The following KCNQ1OT1 variants were observed in gnomAD, a reference collection of about 807,000 sequenced individuals.
The protein encoded by KCNQ1OT1 is KCNQ1 antisense RNA 2 (non-protein coding).
Position 2,612,554 on chromosome 11 carries a change from TTATTA to T in KCNQ1OT1, n.87436_87440del, listed in dbSNP as rs1848998607. Reference sequence around the variant, plus strand: ...CGCACTAGTGAGTTTTTCACCTAAGTTATTATATTTCACAACTACAGAATTTCTAT... The same window carrying T: ...CGCACTAGTGAGTTTTTCACCTAAGTTATTTCACAACTACAGAATTTCTAT... On this transcript the variant is annotated non_coding_transcript_exon_variant, in exon 1 of 1. Coordinates refer to ENST00000597346, the Ensembl canonical transcript of KCNQ1OT1. The surrounding 1 kb of genome is among the most constrained non-coding windows in gnomAD (Gnocchi z 5.5). The T allele has an allele frequency of 5.0e-6, 2 of 398,488 alleles. No homozygotes were observed. The highest frequency in any genetic ancestry group is 2.5e-4 in the South Asian group (2 of 7,860). The allele number at this position is 398,488 out of a possible 1,614,324, so 24.7% of individuals were successfully genotyped here. A position where few individuals can be genotyped will look rare whatever the true frequency, so the allele number is the denominator to read the frequency against.
rs1319618551 is a variant in KCNQ1OT1 at position 2,658,037 on chromosome 11, C to T, written n.41958G>A. On this transcript the variant is annotated non_coding_transcript_exon_variant, in exon 1 of 1. Transcript: ENST00000597346. The surrounding 1 kb of genome is among the most constrained non-coding windows in gnomAD (Gnocchi z 4.9). ...CTTTCCATAGCTTAGTCTTTAGAAGCGAGTCACTAAGTATAGCCCACACTC... is the reference window on the plus strand; with the variant it reads ...CTTTCCATAGCTTAGTCTTTAGAAGTGAGTCACTAAGTATAGCCCACACTC... 10 of 398,376 alleles carry T rather than the reference C, an allele frequency of 2.5e-5. No homozygotes were observed. The highest frequency in any genetic ancestry group is 8.2e-5 in the African/African-American group (4 of 48,564). The allele number at this position is 398,376 out of a possible 1,614,324, so 24.7% of individuals were successfully genotyped here. A position where few individuals can be genotyped will look rare whatever the true frequency, so the allele number is the denominator to read the frequency against.
At position 2,682,721 on chromosome 11, in the gene KCNQ1OT1, A is replaced by C. The variant is rs1345380901; in HGVS notation, n.17274T>G. On this transcript the variant is annotated non_coding_transcript_exon_variant, in exon 1 of 1. Coordinates refer to ENST00000597346, the Ensembl canonical transcript of KCNQ1OT1. The surrounding 1 kb of genome is among the most constrained non-coding windows in gnomAD (Gnocchi z 5.8). The stretch of plus-strand genomic sequence containing the variant: ...TTGACCAGAATATCTCTAGTCATAA[A>C]GAATCTCTTCCCCTTGAGCCCACTC... 2 of 398,530 alleles carry C rather than the reference A, an allele frequency of 5.0e-6. No homozygotes were observed. Among genetic ancestry groups the C allele is most frequent in the Non-Finnish European group, 8.8e-6 (2 of 226,090 alleles). 24.7% of individuals were successfully genotyped at this position (398,530 alleles called of 1,614,324 possible). A position where few individuals can be genotyped will look rare whatever the true frequency, so the allele number is the denominator to read the frequency against.
chr11:2,626,414 A>G lies in KCNQ1OT1; in HGVS notation n.73581T>C, dbSNP rs1849263064. 1 of 398,516 alleles carries G rather than the reference A, an allele frequency of 2.5e-6. No homozygotes were observed. 24.7% of individuals were successfully genotyped at this position (398,516 alleles called of 1,614,324 possible). Reference sequence around the variant, plus strand: ...AATGGTCTTGGCACTCTTCTCAGGAATCATTTGATCATGTATACAAGGGTT... The same window carrying G: ...AATGGTCTTGGCACTCTTCTCAGGAGTCATTTGATCATGTATACAAGGGTT... On this transcript the variant is annotated non_coding_transcript_exon_variant, in exon 1 of 1. Transcript: ENST00000597346. This position sits in a 1 kb window ranked among gnomAD's most constrained non-coding sequence, Gnocchi z 4.0.
At position 2,671,944 on chromosome 11, in the gene KCNQ1OT1, C is replaced by T. The variant is rs1476002551; in HGVS notation, n.28051G>A. 2.5e-6 allele frequency: 1 copy of T among 398,560 alleles called. No individual in the cohort carries two copies. Among genetic ancestry groups the T allele is most frequent in the Non-Finnish European group, 4.4e-6 (1 of 226,106 alleles). The allele number at this position is 398,560 out of a possible 1,614,324, so 24.7% of individuals were successfully genotyped here. Reference sequence around the variant, plus strand: ...TTCCTCAGGCAGCTAGTCTCTGTATCTGGGGTAGAAAGAGTGGGCTAAAAA... The same window carrying T: ...TTCCTCAGGCAGCTAGTCTCTGTATTTGGGGTAGAAAGAGTGGGCTAAAAA... On this transcript the variant is annotated non_coding_transcript_exon_variant, in exon 1 of 1. Coordinates refer to ENST00000597346, the Ensembl canonical transcript of KCNQ1OT1. The surrounding 1 kb of genome is among the most constrained non-coding windows in gnomAD (Gnocchi z 4.7).
At chr11:2,693,404 A>G (rs1034224259) in exon 1 of KCNQ1OT1, 2 of 398,574 alleles carry the variant, frequency 5.0e-6, no homozygotes, top group East Asian at 7.1e-5. Flanking sequence ...GCCTGGGCCT[A>G]AGCTGGGAAT....
Position 2,677,560 on chromosome 11 carries a change from C to T in KCNQ1OT1, n.22435G>A, listed in dbSNP as rs184509407. 1.5e-4 allele frequency: 61 copies of T among 398,550 alleles called. No homozygotes were observed. In the East Asian group the frequency reaches 2.0e-3, roughly 13 times the overall value. 24.7% of individuals were successfully genotyped at this position (398,550 alleles called of 1,614,324 possible). On this transcript the variant is annotated non_coding_transcript_exon_variant, in exon 1 of 1. Coordinates refer to ENST00000597346, the Ensembl canonical transcript of KCNQ1OT1. The surrounding 1 kb of genome is among the most constrained non-coding windows in gnomAD (Gnocchi z 4.5). ...GTATAAAAGATGCCCTCAGATGTTA[C>T]CATATAATGCTTTACAAAAGACAAA... is the stretch of plus-strand genomic sequence containing the variant.
At chr11:2,688,587 C>T (rs918093267) in exon 1 of KCNQ1OT1, 32 of 398,462 alleles carry the variant, frequency 8.0e-5, no homozygotes, top group African/African-American at 6.6e-4. Context: ...AGTGCTCGCT[C>T]ACTGAGGCCA....
Position 2,627,938 on chromosome 11 carries a change from G to T in KCNQ1OT1, n.72057C>A, listed in dbSNP as rs1168224945. 2.5e-6 allele frequency: 1 copy of T among 398,472 alleles called. No homozygotes were observed. The highest frequency in any genetic ancestry group is 4.4e-6 in the Non-Finnish European group (1 of 226,056). The allele number at this position is 398,472 out of a possible 1,614,324, so 24.7% of individuals were successfully genotyped here. The stretch of plus-strand genomic sequence containing the variant: ...GCTAATTTTTAAAATTTTATGTAGA[G>T]ATAGGGTATCACTATGTTTCCTAGG... On this transcript the variant is annotated non_coding_transcript_exon_variant, in exon 1 of 1. Transcript: ENST00000597346. This position sits in a 1 kb window ranked among gnomAD's most constrained non-coding sequence, Gnocchi z 4.9.
rs933293247 is a variant in KCNQ1OT1, at chr11:2,698,776, G to C, written n.1219C>G. 3.5e-5 allele frequency: 14 copies of C among 398,548 alleles called. No individual in the cohort carries two copies. The highest frequency in any genetic ancestry group is 1.9e-4 in the African/African-American group (9 of 48,616). The allele number at this position is 398,548 out of a possible 1,614,324, so 24.7% of individuals were successfully genotyped here. On this transcript the variant is annotated non_coding_transcript_exon_variant, in exon 1 of 1. Coordinates refer to ENST00000597346, the Ensembl canonical transcript of KCNQ1OT1. The surrounding 1 kb of genome is among the most constrained non-coding windows in gnomAD (Gnocchi z 5.1). ...GAGCCATGATGCAGACTCCAGACCGGGATTCAGGTCCCCAACTCAGACTCC... is the reference window on the plus strand; with the variant it reads ...GAGCCATGATGCAGACTCCAGACCGCGATTCAGGTCCCCAACTCAGACTCC...
chr11:2,687,836 A>C lies in KCNQ1OT1; in HGVS notation n.12159T>G, dbSNP rs1850517449. ...CCTCTGCCCCAACTGGCTCCAGGCC[A>C]AACTCTGGTTCCTGAGGAGCCTCAA... On this transcript the variant is annotated non_coding_transcript_exon_variant, in exon 1 of 1. Coordinates refer to ENST00000597346, the Ensembl canonical transcript of KCNQ1OT1. This position sits in a 1 kb window ranked among gnomAD's most constrained non-coding sequence, Gnocchi z 5.0. 3 of 398,588 alleles carry C rather than the reference A, an allele frequency of 7.5e-6. No homozygotes were observed. The highest frequency in any genetic ancestry group is 1.3e-5 in the Non-Finnish European group (3 of 226,134). 24.7% of individuals were successfully genotyped at this position (398,588 alleles called of 1,614,324 possible). A position where few individuals can be genotyped will look rare whatever the true frequency, so the allele number is the denominator to read the frequency against.
At chr11:2,662,555 C>T in exon 1 of KCNQ1OT1, 1 of 428,510 alleles carries the variant, frequency 2.3e-6, no homozygotes, top group Non-Finnish European at 4.1e-6. Flanking sequence ...AGTTGGCCTT[C>T]CCCTGAGGCA....
chr11:2,678,222 T>C lies in KCNQ1OT1; in HGVS notation n.21773A>G. ...TCACATAGTCAGCTGTGTCAGTCTT[T>C]TATGGTTTGAGGTCCTTATCTTAAA... On this transcript the variant is annotated non_coding_transcript_exon_variant, in exon 1 of 1. Transcript: ENST00000597346. The surrounding 1 kb of genome is among the most constrained non-coding windows in gnomAD (Gnocchi z 4.9). 1 of 398,428 alleles carries C rather than the reference T, an allele frequency of 2.5e-6. No individual in the cohort carries two copies. Among genetic ancestry groups the C allele is most frequent in the Middle Eastern group, 6.3e-4 (1 of 1,584 alleles). The allele number at this position is 398,428 out of a possible 1,614,324, so 24.7% of individuals were successfully genotyped here.
Position 2,657,047 on chromosome 11 carries a change from T to C in KCNQ1OT1, n.42948A>G. The C allele has an allele frequency of 2.5e-6, 1 of 398,658 alleles. No individual in the cohort carries two copies. The highest frequency in any genetic ancestry group is 4.4e-6 in the Non-Finnish European group (1 of 226,072). The allele number at this position is 398,658 out of a possible 1,614,324, so 24.7% of individuals were successfully genotyped here. On this transcript the variant is annotated non_coding_transcript_exon_variant, in exon 1 of 1. Transcript: ENST00000597346. The surrounding 1 kb of genome is among the most constrained non-coding windows in gnomAD (Gnocchi z 4.8). ...CAAGCTTCCATATTTGTGTGGGCTG[T>C]TTCCCAATGCTCAATCCTGTCCCAT...
At chr11:2,622,701 T>A (rs891395952) in exon 1 of KCNQ1OT1, 18 of 398,530 alleles carry the variant, frequency 4.5e-5, no homozygotes, top group Non-Finnish European at 7.1e-5. Flanking sequence ...TCTGTATGTG[T>A]GTATGTGTAT....
exon 1 of KCNQ1OT1, chr11:2,696,954 T>A (rs1850687068): frequency 5.0e-6 from 2 of 398,486 alleles, no homozygotes; most frequent in Non-Finnish European, 8.8e-6. Context: ...CTCTCTTTAG[T>A]TGTTAAGTTC....
chr11:2,651,915 T>G lies in KCNQ1OT1; in HGVS notation n.48080A>C. On this transcript the variant is annotated non_coding_transcript_exon_variant, in exon 1 of 1. Coordinates refer to ENST00000597346, the Ensembl canonical transcript of KCNQ1OT1. This position sits in a 1 kb window ranked among gnomAD's most constrained non-coding sequence, Gnocchi z 6.1. ...AGCCGAGGGTCCCTCTGGGGCCGCT[T>G]GCTCTCCTCCTACTCACAGCCCTCC... is the stretch of plus-strand genomic sequence containing the variant. 2.5e-6 allele frequency: 1 copy of G among 398,772 alleles called. No homozygotes were observed. The highest frequency in any genetic ancestry group is 4.4e-6 in the Non-Finnish European group (1 of 226,182). The allele number at this position is 398,772 out of a possible 1,614,324, so 24.7% of individuals were successfully genotyped here. A position where few individuals can be genotyped will look rare whatever the true frequency, so the allele number is the denominator to read the frequency against.
In KCNQ1OT1 at chr11:2,670,662, G is replaced by A. The variant is rs764708200; in HGVS notation, n.29333C>T. On this transcript the variant is annotated non_coding_transcript_exon_variant, in exon 1 of 1. Coordinates refer to ENST00000597346, the Ensembl canonical transcript of KCNQ1OT1. The surrounding 1 kb of genome is among the most constrained non-coding windows in gnomAD (Gnocchi z 4.9). ...AGGCCAGGATGAACCCTGAAGATTG[G>A]TAGGAAGGCAGTGTAGCAGTAACAA... 1.8e-5 allele frequency: 7 copies of A among 398,538 alleles called. No homozygotes were observed. The highest frequency in any genetic ancestry group is 4.1e-5 in the African/African-American group (2 of 48,622). 24.7% of individuals were successfully genotyped at this position (398,538 alleles called of 1,614,324 possible).
At chr11:2,640,393 C>T (rs1445352120) in exon 1 of KCNQ1OT1, 1 of 398,602 alleles carries the variant, frequency 2.5e-6, no homozygotes, top group Non-Finnish European at 4.4e-6. Flanking sequence ...TCAAGTCATT[C>T]TCCATCCTTG....
In KCNQ1OT1 at chr11:2,623,808, A is replaced by G. The variant is rs553977027; in HGVS notation, n.76187T>C. 2 of 398,602 alleles carry G rather than the reference A, an allele frequency of 5.0e-6. No individual in the cohort carries two copies. The highest frequency in any genetic ancestry group is 2.1e-5 in the African/African-American group (1 of 48,768). 24.7% of individuals were successfully genotyped at this position (398,602 alleles called of 1,614,324 possible). On this transcript the variant is annotated non_coding_transcript_exon_variant, in exon 1 of 1. Coordinates refer to ENST00000597346, the Ensembl canonical transcript of KCNQ1OT1. This position sits in a 1 kb window ranked among gnomAD's most constrained non-coding sequence, Gnocchi z 5.2. ...ACCAAGGATGTGATTGCTGAACTGC[A>G]TGGTAAGAATATGTTTAATTTTATA...
Sources: gnomAD v4.1 joint callset for allele counts on GRCh38, gnomAD v4.1.1 for gene constraint, Gnocchi (gnomAD v3.1) non-coding constraint, MANE v1.5 for transcripts, NCBI Gene and HGNC (gene_info 2026-07-23, HGNC 2026-07-21) for gene names.